Variants in APCDD1L observed in about 807,000 individuals in gnomAD.
APCDD1L encodes protein APCDD1-like.
Under a neutral mutation model 24.2 loss-of-function variants are expected in APCDD1L, and 21 were observed. The ratio of observed to expected loss-of-function variants is 0.87; its 90% CI spans 0.61 to 1.25. The LOEUF is 1.25. Among genes scored for constraint, APCDD1L ranks in the 50% most tolerant of loss-of-function variants. The pLI is 0.00. For missense variants in APCDD1L, 704 were observed against 711.7 expected (o/e 0.99, Z 0.12); for synonymous variants, 321 against 323.6 (o/e 0.99, Z 0.09).
chr20:58,460,966 G>A lies in APCDD1L; in HGVS notation c.1330C>T (p.Arg444Cys), dbSNP rs199518329. 4.9e-5 allele frequency: 79 copies of A among 1,614,130 alleles called. No individual in the cohort carries two copies. Among genetic ancestry groups the A allele is most frequent in the Admixed American group, 5.0e-5 (3 of 60,014 alleles). The change falls in exon 4 of 4, where the codon CGT (arginine) becomes TGT (cysteine). Residue 444 changes from arginine to cysteine, a missense_variant. Arg to Cys is a radical substitution (Grantham distance 180). Transcript: ENST00000371149. The surrounding 1 kb of genome is among the most constrained non-coding windows in gnomAD (Gnocchi z 4.2). ...DGSSPDTPEK[R>C]PTSYQAPLVL... ...AGGGGTGCTTGGTAGGAGGTGGGAC[G>A]TTTCTCTGGGGTATCGGGACTTGAG...
chr20:58,470,884 G>C, intron 1 of APCDD1L, 137 bp from the exon 2 acceptor site: 1 of 1,286,082 alleles, frequency 7.8e-7, no homozygotes, highest in African/African-American at 1.5e-5. Context: ...CCGTCCCCAG[G>C]GTGCCCCAGT....
intron 1 of APCDD1L, among the ~76,000 whole-genome samples, chr20:58,512,893 C>A (rs1405338623): frequency 2.0e-5 from 3 of 152,026 alleles, no homozygotes; most frequent in Non-Finnish European, 4.4e-5. Flanking sequence ...GCAGGCTGCC[C>A]CCCTCTCTCG....
chr20:58,502,726 C>CA (rs56192014), intron 1 of APCDD1L, among the ~76,000 whole-genome samples: 23,259 of 99,638 alleles, frequency 0.23, 1,945 homozygotes, highest in Non-Finnish European at 0.29. Flanking sequence ...TTAAGCAGAA[C>CA]AAAAAAAAAA....
intron 1 of APCDD1L, among the ~76,000 whole-genome samples, chr20:58,509,897 C>G (rs747478619): frequency 3.3e-5 from 5 of 152,192 alleles, no homozygotes; most frequent in Non-Finnish European, 5.9e-5. Context: ...AAGTCCAACT[C>G]TTTTCTGAGG....
rs6513390 is a variant in APCDD1L at position 58,495,520 on chromosome 20, C to T, written c.49+19139G>A. 9.3e-3 allele frequency among the ~76,000 whole-genome samples: 1,413 copies of T among 152,344 alleles called. 23 individuals are homozygous for T. Among genetic ancestry groups the T allele is most frequent in the African/African-American group, 0.033 (1,353 of 41,582 alleles). The stretch of plus-strand genomic sequence containing the variant: ...CCAGAAACACTTGCTCTTCAACCCC[C>T]CTGTGCCCCGAGGGCAGGGACCTCG... On this transcript the variant is annotated intron_variant, in intron 1 of 3. Coordinates refer to ENST00000371149, the MANE Select transcript of APCDD1L (RefSeq NM_153360.3).
intron 2 of APCDD1L, among the ~76,000 whole-genome samples, chr20:58,468,866 C>G (rs1989764746): frequency 6.6e-6 from 1 of 152,136 alleles, no homozygotes; most frequent in South Asian, 2.1e-4. Context: ...AGCCCATTTT[C>G]TTGATATTTT....
chr20:58,482,428 G>T (rs1277220704), intron 1 of APCDD1L, among the ~76,000 whole-genome samples: 2 of 152,188 alleles, frequency 1.3e-5, no homozygotes, highest in Non-Finnish European at 2.9e-5. Flanking sequence ...TGGCTTAAGT[G>T]TTGCAGACAA....
At position 58,459,578 on chromosome 20, in the gene APCDD1L, A is replaced by G. The variant is rs1989556661; in HGVS notation, c.*1212T>C. On this transcript the variant is annotated 3_prime_UTR_variant, in exon 4 of 4. Coordinates refer to ENST00000371149, the MANE Select transcript of APCDD1L (RefSeq NM_153360.3). Reference sequence around the variant, plus strand: ...CCCAGTCCTGAAAACCCTTGGGCCCACCAGGATGCCAGTTAATTTCACAGT... The same window carrying G: ...CCCAGTCCTGAAAACCCTTGGGCCCGCCAGGATGCCAGTTAATTTCACAGT... 6.6e-6 allele frequency: 1 copy of G among 152,408 alleles called. No individual in the cohort carries two copies. The highest frequency in any genetic ancestry group is 1.9e-4 in the East Asian group (1 of 5,200). The allele number at this position is 152,408 out of a possible 1,614,324, so 9.4% of individuals were successfully genotyped here. A position where few individuals can be genotyped will look rare whatever the true frequency, so the allele number is the denominator to read the frequency against.
chr20:58,502,623 G>A (rs75871599), intron 1 of APCDD1L, among the ~76,000 whole-genome samples: 107 of 151,646 alleles, frequency 7.1e-4, no homozygotes, highest in Non-Finnish European at 1.3e-3. Flanking sequence ...GTTATAGGAC[G>A]TTATCTACAA....
chr20:58,488,989 GAAAGA>G (rs1226821747), intron 1 of APCDD1L, among the ~76,000 whole-genome samples: 1 of 152,180 alleles, frequency 6.6e-6, no homozygotes, highest in South Asian at 2.1e-4. Context: ...GAAAGGAAAG[GAAAGA>G]AGAGTGGGTG....
chr20:58,493,035 A>G lies in APCDD1L; in HGVS notation c.49+21624T>C, dbSNP rs536509036. Among the ~76,000 whole-genome samples the G allele has an allele frequency of 1.1e-4, 17 of 149,500 alleles. No individual in the cohort carries two copies. The East Asian group carries it at 3.4e-3, about 30-fold the overall frequency. ...ACGTGCACTCACACACAAGGCAAGC[A>G]TACACACACATACACATGCACTCAC... On this transcript the variant is annotated intron_variant, in intron 1 of 3. Coordinates refer to ENST00000371149, the MANE Select transcript of APCDD1L (RefSeq NM_153360.3).
Position 58,476,352 on chromosome 20 carries a change from T to A in APCDD1L, c.50-5605A>T, listed in dbSNP as rs907801133. On this transcript the variant is annotated intron_variant, in intron 1 of 3. Coordinates refer to ENST00000371149, the MANE Select transcript of APCDD1L (RefSeq NM_153360.3). ...ACTACAGGCGCATGCCACCATGCCC[T>A]GCTAATTTTTGTATTTTTAGTAGAG... 2.0e-5 allele frequency among the ~76,000 whole-genome samples: 3 copies of A among 151,996 alleles called. No individual in the cohort carries two copies. The South Asian group carries it at 6.2e-4, about 31-fold the overall frequency.
chr20:58,499,865 TA>T (rs1457722837), intron 1 of APCDD1L, among the ~76,000 whole-genome samples: 3 of 152,204 alleles, frequency 2.0e-5, no homozygotes, highest in African/African-American at 7.2e-5. Flanking sequence ...TTTTCTCTCA[TA>T]AGTATGCAAA....
In APCDD1L at chr20:58,460,916, G is replaced by A. The variant is rs374767578; in HGVS notation, c.1380C>T (p.Pro460=). 50 of 1,611,976 alleles carry A rather than the reference G, an allele frequency of 3.1e-5. No individual in the cohort carries two copies. The highest frequency in any genetic ancestry group is 2.3e-4 in the Admixed American group (14 of 59,908). ...TGTGCTGCGGTGGCCTGGAGAAGTCGGGGGCCTCCCCATGACAGAGCACCA... is the reference window on the plus strand; with the variant it reads ...TGTGCTGCGGTGGCCTGGAGAAGTCAGGGGCCTCCCCATGACAGAGCACCA... ...APLVLCHGEA[P]DFSRPPQHRP... is the part of the protein sequence containing the mutation. Residue 460 remains proline, a synonymous_variant, in exon 4 of 4, where the codon CCC becomes CCT. Coordinates refer to ENST00000371149, the MANE Select transcript of APCDD1L (RefSeq NM_153360.3). The surrounding 1 kb of genome is among the most constrained non-coding windows in gnomAD (Gnocchi z 4.2).
intron 1 of APCDD1L, chr20:58,513,850 G>T: frequency 7.8e-7 from 1 of 1,288,458 alleles, no homozygotes; most frequent in Non-Finnish European, 1.0e-6. Context: ...ATGTTGATCT[G>T]GGCTTCCCAG....
chr20:58,511,296 C>T (rs1234550548), intron 1 of APCDD1L, among the ~76,000 whole-genome samples: 1 of 152,228 alleles, frequency 6.6e-6, no homozygotes, highest in Non-Finnish European at 1.5e-5. Context: ...TGCCCTCAAG[C>T]TCAAACCAAT....
chr20:58,478,590 A>T (rs1989960839), intron 1 of APCDD1L, among the ~76,000 whole-genome samples: 1 of 152,126 alleles, frequency 6.6e-6, no homozygotes, highest in African/African-American at 2.4e-5. Flanking sequence ...AAGTCATGGA[A>T]AGTGCTTAGG....
chr20:58,466,705 G>C (rs1989712098), intron 3 of APCDD1L, among the ~76,000 whole-genome samples: 1 of 152,196 alleles, frequency 6.6e-6, no homozygotes, highest in Non-Finnish European at 1.5e-5. Flanking sequence ...AGCTGGCAAG[G>C]GTCACCTGCG....
intron 1 of APCDD1L, among the ~76,000 whole-genome samples, chr20:58,496,644 G>T (rs545423271): frequency 6.6e-6 from 1 of 152,340 alleles, no homozygotes; most frequent in African/African-American, 2.4e-5. Flanking sequence ...CTAATGTCGG[G>T]GGTCAGCATG....
Sources: allele counts gnomAD v4.1 joint callset (sites outside exome capture counted in the v4.1 genomes callset), GRCh38; gene constraint gnomAD v4.1.1; non-coding constraint Gnocchi (gnomAD v3.1); transcripts MANE v1.5; gene names NCBI Gene and HGNC (gene_info 2026-07-23, HGNC 2026-07-21).